EVPLL: variants seen among roughly 807,000 people sequenced by gnomAD.
The protein encoded by EVPLL is envoplakin like.
A neutral mutation model predicts 46.2 loss-of-function variants in EVPLL; 39 were observed. The observed-to-expected ratio is 0.84, with a 90% CI of 0.65 to 1.10. The LOEUF (loss-of-function observed/expected upper bound fraction) is 1.10. EVPLL is among the 50% of genes least tolerant of loss of function. The probability of loss-of-function intolerance (pLI) is 0.00; values close to 1 mark genes in which losing one functional copy is unlikely to be tolerated. For synonymous variants in EVPLL, 156 were observed against 165.8 expected (o/e 0.94, Z 0.46); for missense variants, 385 against 412.6 (o/e 0.93, Z 0.58).
intron 9 of EVPLL, among the ~76,000 whole-genome samples, chr17:18,385,076 G>A (rs1201349883): frequency 2.0e-5 from 3 of 151,634 alleles, no homozygotes; most frequent in African/African-American, 7.3e-5. Flanking sequence ...GGGAGAGAGA[G>A]ACAGAGCAGG....
chr17:18,387,610 A>T (rs1778461810), intron 9 of EVPLL, among the ~76,000 whole-genome samples: 1 of 150,878 alleles, frequency 6.6e-6, no homozygotes, highest in Non-Finnish European at 1.5e-5. Flanking sequence ...GCTCCAATAA[A>T]CCTTTATTCA....
Position 18,388,212 on chromosome 17 carries a change from T to C in EVPLL, c.877-7T>C, listed in dbSNP as rs1049973965. 7.0e-6 allele frequency: 10 copies of C among 1,428,730 alleles called. No individual in the cohort carries two copies. Among genetic ancestry groups the C allele is most frequent in the Non-Finnish European group, 9.6e-6 (10 of 1,036,900 alleles). 88.5% of individuals were successfully genotyped at this position (1,428,730 alleles called of 1,614,324 possible). On this transcript the variant is annotated splice_region_variant and splice_polypyrimidine_tract_variant and intron_variant, in intron 9 of 10. Coordinates refer to ENST00000399134, the MANE Select transcript of EVPLL (RefSeq NM_001145127.2). ...CCACCCATCTTTTGTTTTCTTTCTT[T>C]CCACAGATTCTGTGTCCATCTTCCT...
At chr17:18,383,919 G>A (rs1040030007) in intron 9 of EVPLL, among the ~76,000 whole-genome samples, 1 of 152,130 alleles carries the variant, frequency 6.6e-6, no homozygotes. Context: ...GTTGCAGTGG[G>A]CCGAGAATGG....
chr17:18,384,394 C>A (rs1240718998), intron 9 of EVPLL, among the ~76,000 whole-genome samples: 1 of 151,664 alleles, frequency 6.6e-6, no homozygotes, highest in Non-Finnish European at 1.5e-5. Context: ...CATGATCACA[C>A]CACTGCACTC....
chr17:18,381,641 C>A lies in EVPLL; in HGVS notation c.257C>A (p.Ala86Glu). ...QLHERVTQEC[A>E]EYCALYEKMV... ...CACGAGCGGGTGACCCAGGAGTGTG[C>A]GGAGTACTGTGCCCTGTACGAGAAG... The change falls in exon 4 of 11, where the codon GCG (alanine) becomes GAG (glutamate). Residue 86 changes from alanine to glutamate, a missense_variant. By Grantham distance (107) the Ala-to-Glu change is moderately radical (BLOSUM62 -1). Transcript: ENST00000399134. This position sits in a 1 kb window ranked among gnomAD's most constrained non-coding sequence, Gnocchi z 4.2. 8 of 1,614,012 alleles carry A rather than the reference C, an allele frequency of 5.0e-6. No homozygotes were observed. The highest frequency in any genetic ancestry group is 2.2e-5 in the East Asian group (1 of 44,884).
chr17:18,385,015 T>G (rs1987724083), intron 9 of EVPLL, among the ~76,000 whole-genome samples: 2 of 149,946 alleles, frequency 1.3e-5, no homozygotes, highest in African/African-American at 4.9e-5. Flanking sequence ...GGGCAAGAGA[T>G]GACAAGAGAG....
chr17:18,380,789 G>A (rs1987537678), intron 1 of EVPLL, 113 bp from the exon 2 acceptor site: 2 of 877,430 alleles, frequency 2.3e-6, no homozygotes, highest in Admixed American at 2.2e-5. Flanking sequence ...TCAGGGCAGT[G>A]TGCTAGGCTG....
chr17:18,387,433 C>T (rs34122488), intron 9 of EVPLL, among the ~76,000 whole-genome samples: 68,048 of 126,818 alleles, frequency 0.54, 17,654 homozygotes, highest in African/African-American at 0.6. Context: ...TGCCACCTGG[C>T]CCCTCCCCAG....
At chr17:18,388,748 C>T (rs1034048797) in intron 10 of EVPLL, 109 bp from the exon 11 acceptor site, 2 of 153,504 alleles carry the variant, frequency 1.3e-5, no homozygotes, top group African/African-American at 4.8e-5. Flanking sequence ...GTAGGGGACT[C>T]TGAACACCAC....
In EVPLL at chr17:18,378,782, TA is replaced by T. The variant is rs879305571; in HGVS notation, c.-37+813del. ...GGGTGACAGACTGTGACTCTGTCTT[TA>T]AAAAAAAAAAAAATCCTGGTGCAAT... On this transcript the variant is annotated intron_variant, in intron 1 of 10. Coordinates refer to ENST00000399134, the MANE Select transcript of EVPLL (RefSeq NM_001145127.2). Among the ~76,000 whole-genome samples the T allele has an allele frequency of 7.1e-3, 1,003 of 140,980 alleles. 6 individuals carry two copies. Among genetic ancestry groups the T allele is most frequent in the African/African-American group, 0.016 (625 of 38,366 alleles). The allele number at this position is 140,980 out of a possible 152,430, so 92.5% of individuals were successfully genotyped here.
chr17:18,384,909 G>A (rs1288770783), intron 9 of EVPLL, among the ~76,000 whole-genome samples: 1 of 152,124 alleles, frequency 6.6e-6, no homozygotes, highest in Non-Finnish European at 1.5e-5. Flanking sequence ...AGGCAGCAGC[G>A]AAAGATGGGT....
rs1292276816 is a variant in EVPLL at position 18,383,669 on chromosome 17, C to A, written c.876+82C>A. ...ACACCGGCCCACAGGAGAGGCACTG[C>A]ACCTCTCAACTAGACAGAGCTGGCA... On this transcript the variant is annotated intron_variant, in intron 9 of 10. Transcript: ENST00000399134. 3 of 1,227,252 alleles carry A rather than the reference C, an allele frequency of 2.4e-6. No individual in the cohort carries two copies. The African/African-American group carries it at 4.5e-5, about 18-fold the overall frequency. The allele number at this position is 1,227,252 out of a possible 1,614,324, so 76.0% of individuals were successfully genotyped here.
At chr17:18,386,264 G>A (rs1441624517) in intron 9 of EVPLL, 1 of 152,074 alleles carries the variant, frequency 6.6e-6, no homozygotes, top group East Asian at 1.9e-4. Flanking sequence ...CCTTTTATAA[G>A]GACATCAGTC....
At position 18,381,284 on chromosome 17, in the gene EVPLL, G is replaced by A; in HGVS notation, c.64-83G>A. The A allele has an allele frequency of 6.8e-7, 1 of 1,466,986 alleles. No homozygotes were observed. The highest frequency in any genetic ancestry group is 1.4e-5 in the South Asian group (1 of 71,498). 90.9% of individuals were successfully genotyped at this position (1,466,986 alleles called of 1,614,324 possible). ...TGGCCAGCATAGCTGGGGTCCCAAA[G>A]GTGGGGCTCAGGCCCACAATGATGG... On this transcript the variant is annotated intron_variant, in intron 2 of 10. Coordinates refer to ENST00000399134, the MANE Select transcript of EVPLL (RefSeq NM_001145127.2). The surrounding 1 kb of genome is among the most constrained non-coding windows in gnomAD (Gnocchi z 4.2).
Position 18,383,553 on chromosome 17 carries a change from A to T in EVPLL, c.842A>T (p.Glu281Val). 8 of 1,509,164 alleles carry T rather than the reference A, an allele frequency of 5.3e-6. No individual in the cohort carries two copies. Among genetic ancestry groups the T allele is most frequent in the Non-Finnish European group, 6.2e-6 (7 of 1,121,818 alleles). 93.5% of individuals were successfully genotyped at this position (1,509,164 alleles called of 1,614,324 possible). The change falls in exon 9 of 11, where the codon GAG (glutamate) becomes GTG (valine). Residue 281 changes from glutamate to valine, a missense_variant. Coordinates refer to ENST00000399134, the MANE Select transcript of EVPLL (RefSeq NM_001145127.2). ...QNFLNLCICQ[E>V]TQLQHVEDYS... ...TTCCTGAACCTGTGCATCTGCCAGGAGACCCAGCTCCAGCACGTGGAGGAC... is the reference window on the plus strand; with the variant it reads ...TTCCTGAACCTGTGCATCTGCCAGGTGACCCAGCTCCAGCACGTGGAGGAC...
At chr17:18,382,785 C>T in intron 5 of EVPLL, 41 bp from the exon 6 acceptor site, 1 of 1,603,392 alleles carries the variant, frequency 6.2e-7, no homozygotes, top group Non-Finnish European at 8.5e-7. Flanking sequence ...CTCCCTGTGC[C>T]CCACCTCTCA....
At position 18,381,529 on chromosome 17, in the gene EVPLL, G is replaced by A. The variant is rs1987573969; in HGVS notation, c.218+8G>A. 1 of 1,613,448 alleles carries A rather than the reference G, an allele frequency of 6.2e-7. No individual in the cohort carries two copies. The highest frequency in any genetic ancestry group is 8.5e-7 in the Non-Finnish European group (1 of 1,179,672). On this transcript the variant is annotated splice_region_variant and intron_variant, in intron 3 of 10. Coordinates refer to ENST00000399134, the MANE Select transcript of EVPLL (RefSeq NM_001145127.2). The surrounding 1 kb of genome is among the most constrained non-coding windows in gnomAD (Gnocchi z 4.2). The stretch of plus-strand genomic sequence containing the variant: ...TGAGGAGACTGAGAAGGAGTGAGTG[G>A]GGCTGCGGCAGGGCTGGGGGTCCCT...
intron 1 of EVPLL, chr17:18,380,037 G>C (rs886718296): frequency 1.3e-5 from 2 of 152,004 alleles, no homozygotes; most frequent in African/African-American, 4.8e-5. Flanking sequence ...CCCGTTGCCT[G>C]GGGGGGCCCA....
chr17:18,384,888 G>C (rs985026811), intron 9 of EVPLL, among the ~76,000 whole-genome samples: 2 of 152,136 alleles, frequency 1.3e-5, no homozygotes, highest in African/African-American at 4.8e-5. Context: ...GCTTCAGCTC[G>C]TCTGCAGAGG....
Sources: gnomAD v4.1 joint callset for allele counts (sites outside exome capture counted in the v4.1 genomes callset) on GRCh38, gnomAD v4.1.1 for gene constraint, Gnocchi (gnomAD v3.1) non-coding constraint, MANE v1.5 for transcripts, NCBI Gene and HGNC (gene_info 2026-07-23, HGNC 2026-07-21) for gene names.